The following EPB41L4A variants were observed in gnomAD, a reference collection of about 807,000 sequenced individuals.
The protein encoded by EPB41L4A is erythrocyte membrane protein band 4.1 like 4A, also known as band 4.1-like protein 4A.
A neutral mutation model predicts 108.6 loss-of-function variants in EPB41L4A; 100 were observed. The ratio of observed to expected loss-of-function variants is 0.92; its 90% confidence interval spans 0.78 to 1.09. The LOEUF is 1.09. Among genes scored for constraint, EPB41L4A ranks in the 50% least tolerant of loss-of-function variants. The probability of loss-of-function intolerance (pLI) is 0.00; values close to 1 mark genes in which losing one functional copy is unlikely to be tolerated. For missense variants in EPB41L4A, 1,030 were observed against 842.7 expected, an observed-to-expected ratio of 1.22 and a Z score of -2.75; for synonymous variants, 319 against 289.0, an observed-to-expected ratio of 1.10 and a Z score of -1.05.
chr5:112,273,154 A>G (rs901772604), intron 4 of EPB41L4A, among the ~76,000 whole-genome samples: 14 of 152,234 alleles, frequency 9.2e-5, no homozygotes, highest in Non-Finnish European at 8.8e-5. Context: ...CAATAATAAA[A>G]TGAATAATGT....
chr5:112,176,246 AAAC>A (rs549098350), intron 18 of EPB41L4A, among the ~76,000 whole-genome samples: 21 of 152,212 alleles, frequency 1.4e-4, no homozygotes, highest in Admixed American at 2.6e-4. Flanking sequence ...TCCAGAATGC[AAAC>A]AACAGCACCC....
intron 1 of EPB41L4A, among the ~76,000 whole-genome samples, chr5:112,325,748 G>C (rs1023364105): frequency 6.6e-6 from 1 of 152,126 alleles, no homozygotes; most frequent in Non-Finnish European, 1.5e-5. Flanking sequence ...TTGCAACCTC[G>C]GCAGGCTGCT....
chr5:112,361,328 G>A lies in EPB41L4A; in HGVS notation c.100-53838C>T, dbSNP rs577324798. ...ACAGATGCTTGAAGGCAGCATGCTC[G>A]TTAAGAGTCATCACCACTCCCTAAT... On this transcript the variant is annotated intron_variant, in intron 1 of 22. Coordinates refer to ENST00000261486, the MANE Select transcript of EPB41L4A (RefSeq NM_022140.5). Among the ~76,000 whole-genome samples the A allele has an allele frequency of 6.8e-3, 1,029 of 152,218 alleles. 6 individuals carry two copies. Among genetic ancestry groups the A allele is most frequent in the African/African-American group, 0.024 (989 of 41,504 alleles).
chr5:112,389,727 T>C (rs1451946710), intron 1 of EPB41L4A, among the ~76,000 whole-genome samples: 5 of 152,216 alleles, frequency 3.3e-5, no homozygotes, highest in Admixed American at 6.5e-5. Flanking sequence ...TATGGAAGGG[T>C]TGCCCAATTC....
At chr5:112,361,144 A>G (rs1159872339) in intron 1 of EPB41L4A, among the ~76,000 whole-genome samples, 1 of 152,248 alleles carries the variant, frequency 6.6e-6, no homozygotes, top group Admixed American at 6.5e-5. Flanking sequence ...AAAGAAGTAG[A>G]CATAGGAGAC....
downstream of EPB41L4A, among the ~76,000 whole-genome samples, chr5:112,158,950 G>T (rs182608241): frequency 4.6e-5 from 7 of 152,162 alleles, no homozygotes; most frequent in Admixed American, 3.3e-4. Context: ...TGTGCCTTTC[G>T]CTGTCTTTAA....
chr5:112,242,938 G>C (rs1749906251), intron 9 of EPB41L4A, among the ~76,000 whole-genome samples: 1 of 152,154 alleles, frequency 6.6e-6, no homozygotes, highest in Admixed American at 6.5e-5. Context: ...GCCGGCCCAG[G>C]AGTGGTGGCT....
At chr5:112,283,977 C>G (rs1019167749) in intron 2 of EPB41L4A, among the ~76,000 whole-genome samples, 3 of 152,162 alleles carry the variant, frequency 2.0e-5, no homozygotes, top group Admixed American at 1.3e-4. Flanking sequence ...GATAACAGAG[C>G]CTTAAATCTG....
At chr5:112,363,535 G>A (rs143744231) in intron 1 of EPB41L4A, 48 of 152,416 alleles carry the variant, frequency 3.1e-4, no homozygotes, top group Non-Finnish European at 5.9e-5. Context: ...CAAGATCAAT[G>A]AGAGTATTCA....
At chr5:112,208,631 CTGAG>C (rs1762583901) in intron 13 of EPB41L4A, among the ~76,000 whole-genome samples, 1 of 152,160 alleles carries the variant, frequency 6.6e-6, no homozygotes, top group Non-Finnish European at 1.5e-5. Context: ...TGCTCACTAC[CTGAG>C]TGATGGGATC....
intron 1 of EPB41L4A, among the ~76,000 whole-genome samples, chr5:112,375,273 T>G (rs2112567551): frequency 6.6e-6 from 1 of 151,798 alleles, no homozygotes; most frequent in Non-Finnish European, 1.5e-5. Context: ...CCTAACTATC[T>G]TGAAGACACT....
chr5:112,364,686 C>T (rs928610705), intron 1 of EPB41L4A, among the ~76,000 whole-genome samples: 1 of 152,172 alleles, frequency 6.6e-6, no homozygotes, highest in African/African-American at 2.4e-5. Context: ...AAAAGGCTTT[C>T]TCTAAATCCT....
At chr5:112,316,415 C>G (rs1026780917) in intron 1 of EPB41L4A, among the ~76,000 whole-genome samples, 22 of 152,054 alleles carry the variant, frequency 1.4e-4, no homozygotes, top group African/African-American at 4.3e-4. Context: ...ATTTTTTTAG[C>G]TTAGGCCATT....
intron 12 of EPB41L4A, among the ~76,000 whole-genome samples, chr5:112,216,075 G>T (rs1414739260): frequency 6.6e-6 from 1 of 152,176 alleles, no homozygotes; most frequent in Non-Finnish European, 1.5e-5. Flanking sequence ...CCAGTCCTTT[G>T]AGTGGTTAGA....
chr5:112,229,331 C>A (rs1342059844), intron 12 of EPB41L4A, among the ~76,000 whole-genome samples: 1 of 152,252 alleles, frequency 6.6e-6, no homozygotes, highest in South Asian at 2.1e-4. Context: ...CTAAAATATT[C>A]ATTATCTGGC....
intron 12 of EPB41L4A, among the ~76,000 whole-genome samples, chr5:112,216,411 T>G (rs1160356370): frequency 6.6e-6 from 1 of 152,192 alleles, no homozygotes; most frequent in African/African-American, 2.4e-5. Flanking sequence ...GAAGGCTGAA[T>G]GTGTGAAATT....
chr5:112,321,135 T>C (rs1755746030), intron 1 of EPB41L4A, among the ~76,000 whole-genome samples: 1 of 151,944 alleles, frequency 6.6e-6, no homozygotes, highest in Non-Finnish European at 1.5e-5. Context: ...GGAGAGGCAA[T>C]TCTAAAAGCT....
intron 8 of EPB41L4A, 39 bp downstream of exon 8, chr5:112,259,852 A>T: frequency 6.5e-7 from 1 of 1,528,042 alleles, no homozygotes; most frequent in Non-Finnish European, 9.1e-7. Context: ...CATAAGCCCA[A>T]AACATAGAAT....
chr5:112,221,571 G>A (rs1748050307), intron 12 of EPB41L4A, among the ~76,000 whole-genome samples: 1 of 152,174 alleles, frequency 6.6e-6, no homozygotes, highest in Admixed American at 6.5e-5. Flanking sequence ...CTTTAGCACT[G>A]TGTTTGGAAT....
Sources: gnomAD v4.1 joint callset for allele counts (sites outside exome capture counted in the v4.1 genomes callset) on GRCh38, gnomAD v4.1.1 for gene constraint, MANE v1.5 for transcripts, NCBI Gene and HGNC (gene_info 2026-07-23, HGNC 2026-07-21) for gene names.